Variants in GPM6A observed in about 807,000 individuals in gnomAD.
GPM6A encodes glycoprotein M6A.
In GPM6A, 7 loss-of-function variants were observed where a neutral mutation model predicts 32.1. The ratio of observed to expected loss-of-function variants is 0.22; its 90% CI spans 0.12 to 0.41. GPM6A has a LOEUF of 0.41. Ranked by LOEUF, GPM6A falls within the 10% of genes least tolerant of loss-of-function variation. The pLI is 1.00. For missense variants in GPM6A, 235 were observed against 347.2 expected, an observed-to-expected ratio of 0.68 and a Z score of 2.57; for synonymous variants, 130 against 123.4, an observed-to-expected ratio of 1.05 and a Z score of -0.35.
chr4:175,797,761 G>A lies in GPM6A; in HGVS notation c.37+14430C>T, dbSNP rs147297762. On this transcript the variant is annotated intron_variant, in intron 1 of 6. Transcript: ENST00000393658. ...TTATTTTCAAAGGCAAAATTATAGC[G>A]GTGTTGTCCAGAACACCCTTAAAGT... Among the ~76,000 whole-genome samples, 266 of 152,138 alleles carry A rather than the reference G, an allele frequency of 1.7e-3. 2 individuals carry two copies. Among genetic ancestry groups the A allele is most frequent in the African/African-American group, 5.8e-3 (242 of 41,504 alleles).
upstream of GPM6A, among the ~76,000 whole-genome samples, chr4:175,813,413 A>G (rs886308572): frequency 5.9e-5 from 9 of 152,322 alleles, no homozygotes; most frequent in East Asian, 9.6e-4. Flanking sequence ...AGGTATAGCA[A>G]GAAAATAAAC....
At chr4:175,910,765 G>A (rs1451874396) in intron 1 of GPM6A, among the ~76,000 whole-genome samples, 6 of 152,090 alleles carry the variant, frequency 3.9e-5, no homozygotes, top group African/African-American at 4.8e-5. Flanking sequence ...TCTCTAAACC[G>A]GAGTTCAACA....
intron 1 of GPM6A, among the ~76,000 whole-genome samples, chr4:175,924,864 GAA>G (rs1738783666): frequency 3.4e-5 from 5 of 149,216 alleles, no homozygotes; most frequent in African/African-American, 1.2e-4. Flanking sequence ...AAAAAAGAGA[GAA>G]GTCTGAAATA....
At chr4:175,787,559 CTTG>C in intron 1 of GPM6A, 1 of 1,387,934 alleles carries the variant, frequency 7.2e-7, no homozygotes, top group Non-Finnish European at 9.3e-7. Flanking sequence ...TGATTACATA[CTTG>C]TTGATGATTT....
chr4:175,998,314 C>T (rs1741373007), intron 1 of GPM6A, among the ~76,000 whole-genome samples: 2 of 151,958 alleles, frequency 1.3e-5, no homozygotes, highest in African/African-American at 2.4e-5. Context: ...CCACCACACC[C>T]GGCTACTGTT....
At chr4:175,985,258 T>C (rs1740939792) in intron 1 of GPM6A, among the ~76,000 whole-genome samples, 1 of 152,256 alleles carries the variant, frequency 6.6e-6, no homozygotes, top group African/African-American at 2.4e-5. Flanking sequence ...CAGATCTATC[T>C]TATCATGTGT....
At chr4:175,889,831 CAAAA>C in intron 1 of GPM6A, among the ~76,000 whole-genome samples, 1 of 147,064 alleles carries the variant, frequency 6.8e-6, no homozygotes, top group South Asian at 2.2e-4. Flanking sequence ...CAAAACAAAA[CAAAA>C]AAGAAAGAAA....
At chr4:175,955,229 G>A (rs976683222) in intron 1 of GPM6A, among the ~76,000 whole-genome samples, 5 of 152,192 alleles carry the variant, frequency 3.3e-5, no homozygotes, top group African/African-American at 1.2e-4. Flanking sequence ...TACCACACCT[G>A]TTACTGGGGT....
chr4:175,687,758 T>G (rs1744068277), intron 2 of GPM6A, among the ~76,000 whole-genome samples: 1 of 152,194 alleles, frequency 6.6e-6, no homozygotes, highest in South Asian at 2.1e-4. Flanking sequence ...CAAACTGTTT[T>G]CCATAGTGGC....
chr4:175,737,106 G>A lies in GPM6A; in HGVS notation c.38-35339C>T, dbSNP rs530602009. On this transcript the variant is annotated intron_variant, in intron 1 of 6. Coordinates refer to ENST00000393658, the MANE Select transcript of GPM6A (RefSeq NM_201591.3). ...TCATGTCAATAGTAGAATTCACTTG[G>A]GCACCCACCATTTACAGAACACGGT... is the stretch of plus-strand genomic sequence containing the variant. 2.6e-5 allele frequency among the ~76,000 whole-genome samples: 4 copies of A among 152,108 alleles called. No individual in the cohort carries two copies. The East Asian group carries it at 7.7e-4, about 29-fold the overall frequency.
intron 3 of GPM6A, among the ~76,000 whole-genome samples, chr4:175,670,336 G>A (rs190678828): frequency 3.9e-5 from 6 of 152,188 alleles, no homozygotes; most frequent in East Asian, 1.9e-4. Flanking sequence ...AGTAGCAATC[G>A]GAAATTTGTA....
At chr4:175,909,762 A>G (rs1365322227) in intron 1 of GPM6A, among the ~76,000 whole-genome samples, 1 of 152,232 alleles carries the variant, frequency 6.6e-6, no homozygotes, top group East Asian at 1.9e-4. Context: ...TAGGATTTGC[A>G]TAGGGCAAAC....
intron 5 of GPM6A, 122 bp downstream of exon 5, chr4:175,640,630 GT>G: frequency 1.4e-6 from 1 of 701,222 alleles, no homozygotes; most frequent in Admixed American, 2.5e-5. Flanking sequence ...ACTACTTCAG[GT>G]AAAATTGCCT....
At chr4:175,828,597 G>A (rs947118551) in intron 1 of GPM6A, among the ~76,000 whole-genome samples, 4 of 152,044 alleles carry the variant, frequency 2.6e-5, no homozygotes, top group Non-Finnish European at 1.5e-5. Flanking sequence ...TTTTAATTAG[G>A]TTAATAAAAT....
chr4:175,830,810 G>GTT (rs200012528), intron 1 of GPM6A, among the ~76,000 whole-genome samples: 11 of 143,994 alleles, frequency 7.6e-5, no homozygotes, highest in African/African-American at 2.6e-4. Context: ...CATTATTTCT[G>GTT]TTTTTTTTTT....
chr4:175,926,131 C>T (rs1051214910), intron 1 of GPM6A, among the ~76,000 whole-genome samples: 2 of 152,096 alleles, frequency 1.3e-5, no homozygotes, highest in African/African-American at 2.4e-5. Context: ...GGATTACAGA[C>T]GTGAGCCACC....
chr4:175,796,846 C>T (rs755961262), intron 1 of GPM6A, among the ~76,000 whole-genome samples: 3 of 152,132 alleles, frequency 2.0e-5, no homozygotes, highest in Non-Finnish European at 4.4e-5. Context: ...CTCAGTGCTA[C>T]CCCCAGGAAT....
At chr4:175,958,984 T>C (rs1270564539) in intron 1 of GPM6A, among the ~76,000 whole-genome samples, 1 of 152,150 alleles carries the variant, frequency 6.6e-6, no homozygotes, top group Non-Finnish European at 1.5e-5. Context: ...ACAATAAAAT[T>C]GCCTGGAATC....
intron 6 of GPM6A, among the ~76,000 whole-genome samples, chr4:175,635,510 A>G (rs1010386879): frequency 1.3e-5 from 2 of 152,144 alleles, no homozygotes; most frequent in African/African-American, 4.8e-5. Context: ...GAAACCCCCA[A>G]ATATACCTGT....
Sources: allele counts gnomAD v4.1 joint callset (sites outside exome capture counted in the v4.1 genomes callset), GRCh38; gene constraint gnomAD v4.1.1; transcripts MANE v1.5; gene names NCBI Gene and HGNC (gene_info 2026-07-23, HGNC 2026-07-21).